The following CDC42BPB variants were observed in gnomAD, a reference collection of about 807,000 sequenced individuals.
The protein encoded by CDC42BPB is serine/threonine-protein kinase MRCK beta.
CDC42BPB carries 37 observed loss-of-function variants against 214.9 expected under a neutral mutation model. The observed-to-expected ratio is 0.17, with a 90% CI of 0.13 to 0.23. CDC42BPB has a LOEUF of 0.23. CDC42BPB is among the 10% of genes least tolerant of loss of function. The pLI, the probability that CDC42BPB is intolerant of heterozygous loss-of-function variation, is 1.00. For missense variants in CDC42BPB, 1,694 were observed against 2,227.0 expected (o/e 0.76, Z 4.82); for synonymous variants, 931 against 884.0 (o/e 1.05, Z -0.94).
intron 1 of CDC42BPB, among the ~76,000 whole-genome samples, chr14:103,019,345 A>T (rs537711933): frequency 1.5e-4 from 23 of 152,292 alleles, no homozygotes; most frequent in Admixed American, 1.0e-3. Context: ...CTGGGAGGCT[A>T]CTGTCCACCA....
intron 1 of CDC42BPB, among the ~76,000 whole-genome samples, chr14:103,043,502 C>T (rs1469486336): frequency 1.3e-5 from 2 of 152,036 alleles, no homozygotes; most frequent in East Asian, 3.8e-4. Context: ...TTTGTGGTTG[C>T]TCAGGGCTGG....
intron 23 of CDC42BPB, among the ~76,000 whole-genome samples, chr14:102,953,603 CAG>C (rs1892585923): frequency 1.3e-5 from 2 of 152,224 alleles, no homozygotes; most frequent in Non-Finnish European, 2.9e-5. Flanking sequence ...GCTTGGAACT[CAG>C]GGGCCCGTCA....
rs192036723 is a variant in CDC42BPB at position 103,038,207 on chromosome 14, T to G, written c.175+18792A>C. Among the ~76,000 whole-genome samples the G allele has an allele frequency of 5.1e-3, 744 of 145,964 alleles. 11 individuals are homozygous for G. The highest frequency in any genetic ancestry group is 0.018 in the African/African-American group (694 of 39,410). On this transcript the variant is annotated intron_variant, in intron 1 of 36. Coordinates refer to ENST00000361246, the MANE Select transcript of CDC42BPB (RefSeq NM_006035.4). ...AAAATTAGCTGGGCATGGTGGCACA[T>G]GCCTGTAGTCCCAGCTACTCGGGAG...
In CDC42BPB at chr14:102,945,649, C is replaced by T. The variant is rs888454803; in HGVS notation, c.3811+13G>A. On this transcript the variant is annotated intron_variant, in intron 29 of 36. Coordinates refer to ENST00000361246, the MANE Select transcript of CDC42BPB (RefSeq NM_006035.4). ...CTGTGACATCCCAGGCTGGAAACGC[C>T]CTGCTCACTCACCATCTCGGGTGAC... is the stretch of plus-strand genomic sequence containing the variant. The T allele has an allele frequency of 3.1e-6, 5 of 1,611,800 alleles. No individual in the cohort carries two copies. In the African/African-American group the frequency reaches 4.0e-5, roughly 13 times the overall value.
chr14:103,003,166 T>A (rs912927463), intron 4 of CDC42BPB, among the ~76,000 whole-genome samples: 3 of 152,110 alleles, frequency 2.0e-5, no homozygotes, highest in African/African-American at 4.8e-5. Flanking sequence ...GGCTGAGACC[T>A]CCTTCTCTGA....
Position 102,933,597 on chromosome 14 carries a change from A to T in CDC42BPB, c.*115T>A, listed in dbSNP as rs532515816. 1.2e-6 allele frequency: 1 copy of T among 822,318 alleles called. No homozygotes were observed. Among genetic ancestry groups the T allele is most frequent in the East Asian group, 3.3e-5 (1 of 29,858 alleles). The allele number at this position is 822,318 out of a possible 1,614,324, so 50.9% of individuals were successfully genotyped here. On this transcript the variant is annotated 3_prime_UTR_variant, in exon 37 of 37. Coordinates refer to ENST00000361246, the MANE Select transcript of CDC42BPB (RefSeq NM_006035.4). The stretch of plus-strand genomic sequence containing the variant: ...ATAAAGATTTGTCTTCTTCATCTCC[A>T]TATCTACAAAGTGATTCTACATTTC...
rs1433814805 is a variant in CDC42BPB at position 103,055,295 on chromosome 14, T to G, written c.175+1704A>C. Among the ~76,000 whole-genome samples, 5 of 152,160 alleles carry G rather than the reference T, an allele frequency of 3.3e-5. No homozygotes were observed. In the East Asian group the frequency reaches 9.6e-4, roughly 29 times the overall value. ...AAAATGAGCCGGGCATGCTGGTGCG[T>G]GCCTGTAGTCCCAGCTACTCGGGAG... On this transcript the variant is annotated intron_variant, in intron 1 of 36. Coordinates refer to ENST00000361246, the MANE Select transcript of CDC42BPB (RefSeq NM_006035.4).
intron 30 of CDC42BPB, among the ~76,000 whole-genome samples, chr14:102,942,457 C>T (rs140431487): frequency 1.3e-3 from 204 of 152,330 alleles, no homozygotes; most frequent in African/African-American, 4.7e-3. Context: ...CCCATATGCG[C>T]GGCTCGTCTT....
intron 16 of CDC42BPB, 146 bp downstream of exon 16, chr14:102,968,106 AC>A: frequency 1.6e-6 from 1 of 620,576 alleles, no homozygotes. Context: ...AAAAAAAAAA[AC>A]CAAACTTCCA....
intron 8 of CDC42BPB, among the ~76,000 whole-genome samples, chr14:102,979,834 T>C (rs1893920898): frequency 6.6e-6 from 1 of 152,166 alleles, no homozygotes; most frequent in African/African-American, 2.4e-5. Context: ...AGGTACTGGC[T>C]AGTGTGTCAA....
At chr14:103,014,928 T>A (rs1886372173) in intron 1 of CDC42BPB, among the ~76,000 whole-genome samples, 1 of 152,234 alleles carries the variant, frequency 6.6e-6, no homozygotes, top group South Asian at 2.1e-4. Context: ...GCACCAAGGC[T>A]GTGCCCGGAA....
intron 20 of CDC42BPB, 98 bp from the exon 21 acceptor site, chr14:102,959,808 A>T: frequency 9.7e-7 from 1 of 1,026,090 alleles, no homozygotes; most frequent in Non-Finnish European, 1.3e-6. Context: ...ATTCTCCTTG[A>T]GTAACTGATA....
chr14:102,968,893 C>G (rs1893344325), intron 14 of CDC42BPB, 177 bp from the exon 15 acceptor site: 1 of 985,366 alleles, frequency 1.0e-6, no homozygotes, highest in Non-Finnish European at 1.2e-6. Context: ...TAGGGGGTCA[C>G]AGCAGGAGAC....
chr14:102,975,642 A>C (rs770032015), intron 11 of CDC42BPB, 42 bp downstream of exon 11: 14 of 1,599,810 alleles, frequency 8.8e-6, no homozygotes, highest in Non-Finnish European at 1.2e-5. Flanking sequence ...GACAGTAATG[A>C]CCAAAAATAG....
rs559977464 is a variant in CDC42BPB, at chr14:102,981,136, T to C, written c.892-115A>G. On this transcript the variant is annotated intron_variant, in intron 7 of 36. Coordinates refer to ENST00000361246, the MANE Select transcript of CDC42BPB (RefSeq NM_006035.4). ...GGTAGCTTCAAAGCAGGTCACTTCA[T>C]GGGAACTAAATGCAATCCAAAGCTA... 6 of 1,514,442 alleles carry C rather than the reference T, an allele frequency of 4.0e-6. No individual in the cohort carries two copies. In the South Asian group the frequency reaches 5.3e-5, roughly 13 times the overall value. The allele number at this position is 1,514,442 out of a possible 1,614,324, so 93.8% of individuals were successfully genotyped here.
chr14:103,004,772 G>GC lies in CDC42BPB; in HGVS notation c.352-750_352-749insG, dbSNP rs901497706. Among the ~76,000 whole-genome samples the GC allele has an allele frequency of 2.6e-5, 4 of 152,126 alleles. No individual in the cohort carries two copies. The highest frequency in any genetic ancestry group is 2.4e-5 in the African/African-American group (1 of 41,430). On this transcript the variant is annotated intron_variant, in intron 3 of 36. Transcript: ENST00000361246. The surrounding 1 kb of genome is among the most constrained non-coding windows in gnomAD (Gnocchi z 5.3). Reference sequence around the variant, plus strand: ...TAATCCCAGCTACATGGGAGGCTGAGGGGGGAGAACTGCTTGAGCCCAGGA... The same window carrying GC: ...TAATCCCAGCTACATGGGAGGCTGAGCGGGGGAGAACTGCTTGAGCCCAGGA...
intron 24 of CDC42BPB, 54 bp downstream of exon 24, chr14:102,952,444 C>G (rs1159596705): frequency 8.7e-7 from 1 of 1,146,674 alleles, no homozygotes. Flanking sequence ...GTGCCCTTAG[C>G]TGCAGGGGTG....
intron 18 of CDC42BPB, 174 bp from the exon 19 acceptor site, chr14:102,964,824 T>A: frequency 1.1e-6 from 1 of 914,758 alleles, no homozygotes; most frequent in Non-Finnish European, 1.3e-6. Flanking sequence ...TATGACTTTT[T>A]TTACTCTTCC....
rs1203361055 is a variant in CDC42BPB at position 103,001,396 on chromosome 14, G to A, written c.448-1683C>T. 2.0e-5 allele frequency among the ~76,000 whole-genome samples: 3 copies of A among 152,158 alleles called. No individual in the cohort carries two copies. Among genetic ancestry groups the A allele is most frequent in the East Asian group, 1.9e-4 (1 of 5,180 alleles). ...AGGCAGTGGTGAGCGCCAGCTGACC[G>A]CAGGCCGCCTGGTGAGGTGCCCAGG... On this transcript the variant is annotated intron_variant, in intron 4 of 36. Transcript: ENST00000361246. This position sits in a 1 kb window ranked among gnomAD's most constrained non-coding sequence, Gnocchi z 5.8.
Sources: allele counts gnomAD v4.1 joint callset (sites outside exome capture counted in the v4.1 genomes callset), GRCh38; gene constraint gnomAD v4.1.1; non-coding constraint Gnocchi (gnomAD v3.1); transcripts MANE v1.5; gene names NCBI Gene and HGNC (gene_info 2026-07-23, HGNC 2026-07-21).